DGKB: variants seen among roughly 807,000 people sequenced by gnomAD.
The protein encoded by DGKB is 90 kDa diacylglycerol kinase.
Under a neutral mutation model 114.3 loss-of-function variants are expected in DGKB, and 67 were observed. The ratio of observed to expected loss-of-function variants is 0.59; its 90% CI spans 0.48 to 0.72. The LOEUF (loss-of-function observed/expected upper bound fraction) is 0.72. DGKB is among the 30% of genes least tolerant of loss of function. The pLI is 0.00. For missense variants in DGKB, 907 were observed against 975.2 expected, an observed-to-expected ratio of 0.93 and a Z score of 0.93; for synonymous variants, 398 against 323.1, an observed-to-expected ratio of 1.23 and a Z score of -2.49.
chr7:14,256,141 A>C (rs1017497794), intron 23 of DGKB, among the ~76,000 whole-genome samples: 2 of 152,084 alleles, frequency 1.3e-5, no homozygotes, highest in Non-Finnish European at 2.9e-5. Context: ...TATCTATTGA[A>C]TCTTTGCTTT....
At chr7:14,929,514 A>G (rs1001559531) in intron 1 of DGKB, among the ~76,000 whole-genome samples, 4 of 152,186 alleles carry the variant, frequency 2.6e-5, no homozygotes, top group Admixed American at 6.5e-5. Flanking sequence ...GGCCATTTGT[A>G]TGCCTTCTTT....
At chr7:14,356,651 C>T (rs964540409) in intron 21 of DGKB, among the ~76,000 whole-genome samples, 23 of 151,804 alleles carry the variant, frequency 1.5e-4, no homozygotes, top group African/African-American at 4.1e-4. Context: ...TGAGCCACCA[C>T]GCCCGGGCTT....
At chr7:14,461,793 A>G (rs1833119382) in intron 21 of DGKB, among the ~76,000 whole-genome samples, 1 of 152,158 alleles carries the variant, frequency 6.6e-6, no homozygotes, top group Non-Finnish European at 1.5e-5. Context: ...CCTGGCAGAG[A>G]CACAACAAAA....
chr7:14,660,886 C>T (rs1816920510), intron 13 of DGKB, among the ~76,000 whole-genome samples: 1 of 151,850 alleles, frequency 6.6e-6, no homozygotes, highest in Non-Finnish European at 1.5e-5. Flanking sequence ...ACAGAACCCT[C>T]AGAAATAATG....
At chr7:14,844,854 C>T (rs1316080850) in intron 1 of DGKB, among the ~76,000 whole-genome samples, 2 of 152,056 alleles carry the variant, frequency 1.3e-5, no homozygotes, top group Non-Finnish European at 2.9e-5. Context: ...AGCCTGTAAT[C>T]CCAGCACTTT....
intron 1 of DGKB, among the ~76,000 whole-genome samples, chr7:14,938,866 C>A (rs1785409882): frequency 6.6e-6 from 1 of 152,102 alleles, no homozygotes; most frequent in South Asian, 2.1e-4. Context: ...CAGCATTAAA[C>A]AAATCCTGGT....
chr7:14,852,172 T>C (rs1849437780), intron 1 of DGKB, among the ~76,000 whole-genome samples: 1 of 152,122 alleles, frequency 6.6e-6, no homozygotes, highest in Non-Finnish European at 1.5e-5. Context: ...GTTATTATTA[T>C]TATATTTTAA....
chr7:14,958,497 A>G (rs1369337728), intron 1 of DGKB, among the ~76,000 whole-genome samples: 4 of 150,104 alleles, frequency 2.7e-5, no homozygotes, highest in Admixed American at 1.3e-4. Flanking sequence ...AGATGTTAAT[A>G]AAGTCAGAAA....
intron 21 of DGKB, among the ~76,000 whole-genome samples, chr7:14,460,718 T>C (rs796821253): frequency 2.2e-4 from 34 of 152,020 alleles, no homozygotes; most frequent in African/African-American, 7.5e-4. Context: ...TTAACAAGAG[T>C]ATTCAGGACT....
At chr7:14,332,883 G>T (rs1447509665) in intron 23 of DGKB, among the ~76,000 whole-genome samples, 1 of 152,016 alleles carries the variant, frequency 6.6e-6, no homozygotes, top group Non-Finnish European at 1.5e-5. Flanking sequence ...TTGCATGATG[G>T]GTACCTGGAC....
At chr7:14,345,258 G>A in intron 22 of DGKB, 43 bp downstream of exon 22, 1 of 1,143,178 alleles carries the variant, frequency 8.7e-7, no homozygotes, top group Non-Finnish European at 1.3e-6. Flanking sequence ...CAAAGCTCAA[G>A]CCATTTCATC....
At chr7:14,911,357 T>C (rs968711961) in intron 1 of DGKB, among the ~76,000 whole-genome samples, 1 of 152,104 alleles carries the variant, frequency 6.6e-6, no homozygotes, top group Non-Finnish European at 1.5e-5. Flanking sequence ...TGTTGGAGTA[T>C]AAGTGTTTCT....
At chr7:14,372,988 C>T (rs1412381276) in intron 21 of DGKB, among the ~76,000 whole-genome samples, 2 of 152,098 alleles carry the variant, frequency 1.3e-5, no homozygotes, top group Non-Finnish European at 2.9e-5. Flanking sequence ...GGGGATAAGG[C>T]CACAACTCTA....
intron 22 of DGKB, among the ~76,000 whole-genome samples, chr7:14,343,974 C>G (rs1812048916): frequency 6.8e-6 from 1 of 146,348 alleles, no homozygotes. Flanking sequence ...AATGTAGTTA[C>G]AGATGTCATA....
chr7:14,828,027 G>C (rs961648350), intron 2 of DGKB, among the ~76,000 whole-genome samples: 5 of 152,076 alleles, frequency 3.3e-5, no homozygotes, highest in African/African-American at 1.2e-4. Flanking sequence ...GTTTTGCTGA[G>C]GTCTGTGTGA....
At chr7:14,760,577 T>A (rs1183581961) in intron 2 of DGKB, among the ~76,000 whole-genome samples, 1 of 152,120 alleles carries the variant, frequency 6.6e-6, no homozygotes, top group African/African-American at 2.4e-5. Context: ...TCCATAATCG[T>A]AGATGCAACC....
chr7:14,681,536 A>G (rs1294154355), intron 12 of DGKB, among the ~76,000 whole-genome samples: 1 of 151,882 alleles, frequency 6.6e-6, no homozygotes, highest in Admixed American at 6.6e-5. Context: ...GACACAGTGG[A>G]GACAGTTATT....
At chr7:14,249,632 G>T (rs149331319) in intron 23 of DGKB, among the ~76,000 whole-genome samples, 2 of 151,974 alleles carry the variant, frequency 1.3e-5, no homozygotes, top group Non-Finnish European at 2.9e-5. Flanking sequence ...ACATATAATT[G>T]TTCATTATAG....
chr7:14,929,398 T>C (rs1784895309), intron 1 of DGKB, among the ~76,000 whole-genome samples: 1 of 152,122 alleles, frequency 6.6e-6, no homozygotes, highest in Non-Finnish European at 1.5e-5. Context: ...ACATCTGTTA[T>C]TTTTTGATGT....
Sources: allele counts gnomAD v4.1 joint callset (sites outside exome capture counted in the v4.1 genomes callset), GRCh38; gene constraint gnomAD v4.1.1; transcripts MANE v1.5; gene names NCBI Gene and HGNC (gene_info 2026-07-23, HGNC 2026-07-21).